PPFIA2: variants seen among roughly 807,000 people sequenced by gnomAD.
The protein encoded by PPFIA2 is PPFI scaffold protein A2.
Under a neutral mutation model 175.5 loss-of-function variants are expected in PPFIA2, and 46 were observed. That is an observed-to-expected ratio of 0.26 (90% confidence interval 0.21 to 0.34). The LOEUF (loss-of-function observed/expected upper bound fraction) is 0.34, where lower values mean the gene tolerates loss of function less well. Among genes scored for constraint, PPFIA2 ranks in the 10% least tolerant of loss-of-function variants. PPFIA2 has a pLI of 1.00. For missense variants in PPFIA2, 1,179 were observed against 1,506.1 expected, an observed-to-expected ratio of 0.78 and a Z score of 3.60; for synonymous variants, 568 against 511.4, an observed-to-expected ratio of 1.11 and a Z score of -1.49.
At chr12:81,499,710 A>G (rs1442417561) in intron 4 of PPFIA2, among the ~76,000 whole-genome samples, 1 of 152,168 alleles carries the variant, frequency 6.6e-6, no homozygotes, top group Non-Finnish European at 1.5e-5. Context: ...TTAGTAAATG[A>G]GTAGAGACCA....
At chr12:81,495,251 C>T (rs1342315704) in intron 4 of PPFIA2, among the ~76,000 whole-genome samples, 1 of 151,804 alleles carries the variant, frequency 6.6e-6, no homozygotes, top group African/African-American at 2.4e-5. Flanking sequence ...TACCTGAATG[C>T]CAAGTATGGA....
chr12:81,543,593 C>T (rs1220694346), intron 4 of PPFIA2, among the ~76,000 whole-genome samples: 1 of 152,058 alleles, frequency 6.6e-6, no homozygotes, highest in Non-Finnish European at 1.5e-5. Context: ...GTAGGTGGAG[C>T]ATAACTCCCT....
rs980766367 is a variant in PPFIA2 at position 81,271,462 on chromosome 12, G to T, written c.3311-3375C>A. 2.0e-5 allele frequency among the ~76,000 whole-genome samples: 3 copies of T among 152,120 alleles called. No homozygotes were observed. In the South Asian group the frequency reaches 6.2e-4, roughly 32 times the overall value. On this transcript the variant is annotated intron_variant, in intron 28 of 32. Coordinates refer to ENST00000549396, the MANE Select transcript of PPFIA2 (RefSeq NM_003625.5). Reference sequence around the variant, plus strand: ...ATTTTGTATTTTTGCTAGAGATGGGGTTTTACCATGTTAGTCAGGCTGGTC... The same window carrying T: ...ATTTTGTATTTTTGCTAGAGATGGGTTTTTACCATGTTAGTCAGGCTGGTC...
intron 21 of PPFIA2, among the ~76,000 whole-genome samples, chr12:81,337,870 T>C (rs759999362): frequency 4.6e-5 from 7 of 152,168 alleles, no homozygotes; most frequent in Non-Finnish European, 4.4e-5. Flanking sequence ...ATGTCTGGCA[T>C]GTATATTTTA....
At chr12:81,525,737 T>C (rs1045119495) in intron 4 of PPFIA2, among the ~76,000 whole-genome samples, 2 of 152,230 alleles carry the variant, frequency 1.3e-5, no homozygotes, top group Non-Finnish European at 2.9e-5. Context: ...CCCTTATATA[T>C]GTTCTCCTTA....
intron 9 of PPFIA2, among the ~76,000 whole-genome samples, chr12:81,378,433 CA>C (rs1268305145): frequency 4.4e-4 from 67 of 151,658 alleles, no homozygotes; most frequent in Non-Finnish European, 1.3e-4. Context: ...ATGAATTCAG[CA>C]AAAAATAGCC....
chr12:81,331,722 C>T (rs1043714034), intron 21 of PPFIA2, among the ~76,000 whole-genome samples: 4 of 152,212 alleles, frequency 2.6e-5, no homozygotes, highest in South Asian at 2.1e-4. Context: ...TCATAGTTAA[C>T]GTGCTTTTCT....
intron 21 of PPFIA2, among the ~76,000 whole-genome samples, chr12:81,337,842 A>G (rs2057367596): frequency 6.6e-6 from 1 of 152,162 alleles, no homozygotes; most frequent in Admixed American, 6.6e-5. Context: ...CAAATAAGAT[A>G]AAACAAATTT....
chr12:81,661,462 A>G (rs892367103), intron 4 of PPFIA2, among the ~76,000 whole-genome samples: 13 of 152,216 alleles, frequency 8.5e-5, no homozygotes, highest in African/African-American at 1.7e-4. Context: ...AGGCCATTAC[A>G]TAATGGTAAA....
At chr12:81,663,765 A>G (rs1459398852) in intron 4 of PPFIA2, among the ~76,000 whole-genome samples, 4 of 152,198 alleles carry the variant, frequency 2.6e-5, no homozygotes, top group Admixed American at 6.5e-5. Flanking sequence ...AGCTGGAGGC[A>G]TCACACTACC....
chr12:81,426,212 T>C (rs2047114251), intron 7 of PPFIA2, among the ~76,000 whole-genome samples: 1 of 152,176 alleles, frequency 6.6e-6, no homozygotes, highest in Non-Finnish European at 1.5e-5. Flanking sequence ...TGACGTTCCT[T>C]GGTTGGTAAT....
intron 22 of PPFIA2, 103 bp downstream of exon 22, chr12:81,325,674 A>T (rs1417404649): frequency 1.2e-6 from 1 of 805,558 alleles, no homozygotes; most frequent in Non-Finnish European, 2.0e-6. Context: ...TATTGGCTTC[A>T]ATATAGTTCT....
chr12:81,659,491 G>T (rs2068409292), intron 4 of PPFIA2, among the ~76,000 whole-genome samples: 1 of 152,188 alleles, frequency 6.6e-6, no homozygotes, highest in Non-Finnish European at 1.5e-5. Flanking sequence ...CTGCAAAGTG[G>T]CAATGAGGCT....
At chr12:81,692,907 TA>T in intron 3 of PPFIA2, among the ~76,000 whole-genome samples, 1 of 152,250 alleles carries the variant, frequency 6.6e-6, no homozygotes, top group South Asian at 2.1e-4. Flanking sequence ...TATAAAATTC[TA>T]TGACGAAAAA....
intron 6 of PPFIA2, among the ~76,000 whole-genome samples, chr12:81,442,121 T>C (rs2050286171): frequency 6.6e-6 from 1 of 152,012 alleles, no homozygotes; most frequent in African/African-American, 2.4e-5. Flanking sequence ...TTTTAAGGAG[T>C]AAAAGTTATC....
chr12:81,543,781 A>C (rs1210272554), intron 4 of PPFIA2, among the ~76,000 whole-genome samples: 1 of 152,184 alleles, frequency 6.6e-6, no homozygotes, highest in Non-Finnish European at 1.5e-5. Flanking sequence ...TAATATTGAC[A>C]GTATGTACTC....
chr12:81,743,289 T>C (rs2082556901), intron 3 of PPFIA2, among the ~76,000 whole-genome samples: 1 of 151,434 alleles, frequency 6.6e-6, no homozygotes, highest in African/African-American at 2.4e-5. Context: ...TGGTGGCACA[T>C]GCCTGTTGCC....
intron 7 of PPFIA2, among the ~76,000 whole-genome samples, chr12:81,439,158 T>TCTCTCTCC (rs951076183): frequency 6.6e-6 from 1 of 150,458 alleles, no homozygotes; most frequent in Admixed American, 6.6e-5. Flanking sequence ...TCTCTCTCTC[T>TCTCTCTCC]CTCTCTCCCT....
chr12:81,510,104 A>T (rs190496338), intron 4 of PPFIA2, among the ~76,000 whole-genome samples: 130 of 152,232 alleles, frequency 8.5e-4, no homozygotes, highest in African/African-American at 3.1e-3. Context: ...TTCAGAATCC[A>T]AAAAATTAAT....
Sources: allele counts gnomAD v4.1 joint callset (sites outside exome capture counted in the v4.1 genomes callset), GRCh38; gene constraint gnomAD v4.1.1; transcripts MANE v1.5; gene names NCBI Gene and HGNC (gene_info 2026-07-23, HGNC 2026-07-21).